Variants in KCNQ5 observed in about 807,000 individuals in gnomAD.
The protein encoded by KCNQ5 is potassium voltage-gated channel subfamily KQT member 5.
KCNQ5 carries 30 observed loss-of-function variants against 98.2 expected under a neutral mutation model. That is an observed-to-expected ratio of 0.31 (90% confidence interval 0.23 to 0.41). KCNQ5 has a LOEUF of 0.41. Ranked by LOEUF, KCNQ5 falls within the 10% of genes least tolerant of loss-of-function variation. KCNQ5 has a pLI of 1.00. For synonymous variants in KCNQ5, 458 were observed against 449.4 expected (o/e 1.02, Z -0.24); for missense variants, 835 against 1,182.5 (o/e 0.71, Z 4.31).
chr6:73,125,761 C>T (rs999619191), intron 9 of KCNQ5, among the ~76,000 whole-genome samples: 24 of 152,258 alleles, frequency 1.6e-4, no homozygotes, highest in African/African-American at 5.1e-4. Flanking sequence ...GGATATACAA[C>T]ATCAGGCACA....
At chr6:73,173,913 G>C (rs1203208027) in intron 11 of KCNQ5, among the ~76,000 whole-genome samples, 1 of 152,072 alleles carries the variant, frequency 6.6e-6, no homozygotes, top group Non-Finnish European at 1.5e-5. Flanking sequence ...TTTATGTACT[G>C]AACAGGCAGG....
intron 1 of KCNQ5, among the ~76,000 whole-genome samples, chr6:72,980,784 C>T (rs1026351350): frequency 1.3e-5 from 2 of 152,132 alleles, no homozygotes; most frequent in Non-Finnish European, 1.5e-5. Flanking sequence ...AGTTTTTGCC[C>T]ATTCAGTATG....
chr6:73,191,593 A>T (rs1349718413), intron 12 of KCNQ5, among the ~76,000 whole-genome samples: 1 of 152,174 alleles, frequency 6.6e-6, no homozygotes, highest in Non-Finnish European at 1.5e-5. Flanking sequence ...GCCCCCCAGC[A>T]CACTTAGCCC....
chr6:72,893,587 G>C (rs139644554), intron 1 of KCNQ5, among the ~76,000 whole-genome samples: 7 of 152,168 alleles, frequency 4.6e-5, no homozygotes, highest in Non-Finnish European at 7.4e-5. Flanking sequence ...TTCTTTCCTT[G>C]GTAAACACTG....
intron 1 of KCNQ5, among the ~76,000 whole-genome samples, chr6:72,659,027 G>C (rs1310799366): frequency 6.6e-6 from 1 of 152,158 alleles, no homozygotes; most frequent in Non-Finnish European, 1.5e-5. Flanking sequence ...TTAGCAGTTA[G>C]GCGGATATTG....
At chr6:73,072,176 C>T (rs1773326430) in intron 3 of KCNQ5, among the ~76,000 whole-genome samples, 1 of 152,108 alleles carries the variant, frequency 6.6e-6, no homozygotes, top group South Asian at 2.1e-4. Flanking sequence ...TATAGAATAA[C>T]TTTTAATTTA....
In KCNQ5 at chr6:73,186,203, C is replaced by T. The variant is rs1006942939; in HGVS notation, c.1578-4370C>T. 1.1e-4 allele frequency among the ~76,000 whole-genome samples: 16 copies of T among 151,392 alleles called. No individual in the cohort carries two copies. The South Asian group carries it at 1.5e-3, about 14-fold the overall frequency. ...GATTGTGCCACTGCACTCCACCTGG[C>T]GTGACAGAGTGAGACCTTGTCTCAA... On this transcript the variant is annotated intron_variant, in intron 11 of 13. Coordinates refer to ENST00000370398, the MANE Select transcript of KCNQ5 (RefSeq NM_019842.4).
chr6:72,668,611 G>A (rs112185343), intron 1 of KCNQ5, among the ~76,000 whole-genome samples: 57 of 152,006 alleles, frequency 3.7e-4, no homozygotes, highest in African/African-American at 1.3e-3. Flanking sequence ...GTCAGGTCAG[G>A]CTGCCATAAC....
At chr6:72,697,310 T>A (rs917116091) in intron 1 of KCNQ5, among the ~76,000 whole-genome samples, 3 of 152,056 alleles carry the variant, frequency 2.0e-5, no homozygotes, top group African/African-American at 7.2e-5. Context: ...AATTGAACTG[T>A]GGAAGGAGCA....
chr6:72,901,599 T>C (rs935618797), intron 1 of KCNQ5, among the ~76,000 whole-genome samples: 17 of 152,220 alleles, frequency 1.1e-4, no homozygotes, highest in Non-Finnish European at 2.2e-4. Context: ...ATTTGTTGAA[T>C]AGGGTGTCCT....
chr6:72,973,923 T>A (rs1768025889), intron 1 of KCNQ5, among the ~76,000 whole-genome samples: 1 of 152,186 alleles, frequency 6.6e-6, no homozygotes, highest in African/African-American at 2.4e-5. Context: ...TTTTCCCACA[T>A]TTTAAATTTA....
chr6:72,850,699 C>G (rs1431552794), intron 1 of KCNQ5, among the ~76,000 whole-genome samples: 1 of 152,158 alleles, frequency 6.6e-6, no homozygotes, highest in Non-Finnish European at 1.5e-5. Flanking sequence ...TGGAGCTTCT[C>G]TAAACAACCA....
chr6:72,763,775 A>G (rs1334758011), intron 1 of KCNQ5, among the ~76,000 whole-genome samples: 1 of 151,982 alleles, frequency 6.6e-6, no homozygotes, highest in East Asian at 1.9e-4. Context: ...GAACAAAGTA[A>G]TGTTTTCCAA....
chr6:72,890,727 G>A (rs1779025574), intron 1 of KCNQ5, among the ~76,000 whole-genome samples: 1 of 152,174 alleles, frequency 6.6e-6, no homozygotes, highest in Non-Finnish European at 1.5e-5. Context: ...TTAACTAAAA[G>A]TAAAGTGGAG....
intron 10 of KCNQ5, among the ~76,000 whole-genome samples, chr6:73,163,857 C>CTT (rs10647193): frequency 0.73 from 111,625 of 151,918 alleles, 42,095 homozygotes; most frequent in East Asian, 0.89. Context: ...AATATTTGCT[C>CTT]GTTTTTTTAA....
rs1280414349 is a variant in KCNQ5, at chr6:72,811,052, T to TGCATGGCATCATTGC, written c.398+188466_398+188480dup. ...AAAATGTCTTCTTGCCTAAAACTCA[T>TGCATGGCATCATTGC]GCATGGCATCATTGCACATGGCATT... is the stretch of plus-strand genomic sequence containing the variant. On this transcript the variant is annotated intron_variant, in intron 1 of 13. Coordinates refer to ENST00000370398, the MANE Select transcript of KCNQ5 (RefSeq NM_019842.4). 7.9e-5 allele frequency among the ~76,000 whole-genome samples: 12 copies of TGCATGGCATCATTGC among 152,334 alleles called. No individual in the cohort carries two copies. In the East Asian group the frequency reaches 2.3e-3, roughly 29 times the overall value.
At chr6:73,035,283 A>G (rs2150352014) in intron 2 of KCNQ5, among the ~76,000 whole-genome samples, 1 of 152,290 alleles carries the variant, frequency 6.6e-6, no homozygotes, top group South Asian at 2.1e-4. Flanking sequence ...AATAATACAC[A>G]TTTATTGTCT....
At chr6:73,113,526 G>A (rs1481561136) in intron 7 of KCNQ5, among the ~76,000 whole-genome samples, 6 of 152,172 alleles carry the variant, frequency 3.9e-5, no homozygotes, top group African/African-American at 1.4e-4. Flanking sequence ...TTTGCCAATG[G>A]CACTAGCCAC....
chr6:72,631,324 G>C (rs1481473846), intron 1 of KCNQ5, among the ~76,000 whole-genome samples: 1 of 152,058 alleles, frequency 6.6e-6, no homozygotes, highest in African/African-American at 2.4e-5. Context: ...ATAATCACGA[G>C]GAAGGCAAAT....
Sources: gnomAD v4.1 joint callset for allele counts (sites outside exome capture counted in the v4.1 genomes callset) on GRCh38, gnomAD v4.1.1 for gene constraint, MANE v1.5 for transcripts, NCBI Gene and HGNC (gene_info 2026-07-23, HGNC 2026-07-21) for gene names.